The following R3HDM2 variants were observed in gnomAD, a reference collection of about 807,000 sequenced individuals.
R3HDM2 encodes the protein R3H domain containing 2.
R3HDM2 carries 38 observed loss-of-function variants against 124.5 expected under a neutral mutation model. The ratio of observed to expected loss-of-function variants is 0.31; its 90% CI spans 0.24 to 0.40. The LOEUF (loss-of-function observed/expected upper bound fraction) is 0.40, where lower values mean the gene tolerates loss of function less well. Among genes scored for constraint, R3HDM2 ranks in the 10% least tolerant of loss-of-function variants. The pLI is 1.00. For synonymous variants in R3HDM2, 391 were observed against 448.0 expected, an observed-to-expected ratio of 0.87 and a Z score of 1.61; for missense variants, 869 against 1,236.9, an observed-to-expected ratio of 0.70 and a Z score of 4.46.
At chr12:57,349,636 C>A (rs957751312) in intron 2 of R3HDM2, among the ~76,000 whole-genome samples, 1 of 150,860 alleles carries the variant, frequency 6.6e-6, no homozygotes. Context: ...TCTCAGCTCA[C>A]TATAACCTCC....
At chr12:57,320,809 AAGGAAT>A (rs1285610003) in intron 2 of R3HDM2, among the ~76,000 whole-genome samples, 1 of 152,198 alleles carries the variant, frequency 6.6e-6, no homozygotes, top group Non-Finnish European at 1.5e-5. Context: ...ATTGAGCCAA[AAGGAAT>A]ATGTTAGATA....
At chr12:57,258,631 T>C (rs574157248) in intron 20 of R3HDM2, among the ~76,000 whole-genome samples, 1 of 152,112 alleles carries the variant, frequency 6.6e-6, no homozygotes, top group South Asian at 2.1e-4. Context: ...CCACCATGCC[T>C]GGCCCATTTA....
intron 12 of R3HDM2, 125 bp from the exon 13 acceptor site, chr12:57,284,181 G>T: frequency 1.1e-6 from 1 of 896,942 alleles, no homozygotes; most frequent in Non-Finnish European, 1.7e-6. Context: ...GATGGACACT[G>T]ACTTATTGTT....
rs143563930 is a variant in R3HDM2, at chr12:57,411,784, T to C, written c.-105-15966A>G. ...TGCTCCAACAGAAACATTCAATACATTGAACACCCCGATATGGTTAGGCTT... is the reference window on the plus strand; with the variant it reads ...TGCTCCAACAGAAACATTCAATACACTGAACACCCCGATATGGTTAGGCTT... On this transcript the variant is annotated intron_variant, in intron 1 of 23. Coordinates refer to ENST00000402412, the MANE Select transcript of R3HDM2 (RefSeq NM_001394031.1). 2.2e-3 allele frequency among the ~76,000 whole-genome samples: 328 copies of C among 152,344 alleles called. 9 individuals carry two copies. The East Asian group carries it at 0.05, about 23-fold the overall frequency.
chr12:57,308,818 AATT>A (rs2053315221), intron 3 of R3HDM2, among the ~76,000 whole-genome samples: 2 of 152,254 alleles, frequency 1.3e-5, no homozygotes, highest in African/African-American at 2.4e-5. Context: ...AAGGTCATTT[AATT>A]ATTATCTTTC....
chr12:57,358,996 C>A (rs1048276673), intron 2 of R3HDM2, among the ~76,000 whole-genome samples: 23 of 151,728 alleles, frequency 1.5e-4, no homozygotes, highest in Non-Finnish European at 2.9e-5. Flanking sequence ...CGGCTCACTG[C>A]AACCTCCACC....
intron 18 of R3HDM2, 105 bp downstream of exon 18, chr12:57,268,198 A>G (rs1261576454): frequency 7.7e-7 from 1 of 1,292,812 alleles, no homozygotes; most frequent in Non-Finnish European, 1.1e-6. Context: ...AACTACTGGG[A>G]TCTTTACCCC....
intron 2 of R3HDM2, among the ~76,000 whole-genome samples, chr12:57,384,167 G>A (rs1302936740): frequency 6.6e-6 from 1 of 151,906 alleles, no homozygotes; most frequent in Non-Finnish European, 1.5e-5. Context: ...CAAGACCACG[G>A]TGAAACCGTC....
intron 2 of R3HDM2, among the ~76,000 whole-genome samples, chr12:57,336,665 G>A (rs183659227): frequency 2.6e-5 from 4 of 152,128 alleles, no homozygotes; most frequent in African/African-American, 9.7e-5. Flanking sequence ...GTCTACATGA[G>A]CGGGGAGGGT....
rs144564687 is a variant in R3HDM2 at position 57,378,746 on chromosome 12, T to C, written c.-36+17003A>G. 3.5e-3 allele frequency among the ~76,000 whole-genome samples: 532 copies of C among 152,258 alleles called. 2 individuals carry two copies. Among genetic ancestry groups the C allele is most frequent in the African/African-American group, 0.012 (491 of 41,548 alleles). On this transcript the variant is annotated intron_variant, in intron 2 of 23. Coordinates refer to ENST00000402412, the MANE Select transcript of R3HDM2 (RefSeq NM_001394031.1). ...ACTTCTGGGTATATATTCAAAAGAA[T>C]TGAAAATAGGGTCTCAAACAGATAT...
intron 2 of R3HDM2, among the ~76,000 whole-genome samples, chr12:57,390,747 C>T (rs2066544275): frequency 6.6e-6 from 1 of 151,934 alleles, no homozygotes; most frequent in Admixed American, 6.6e-5. Context: ...TGAGGTGGCT[C>T]ACGCCTGCAA....
chr12:57,313,581 T>C (rs903501786), intron 2 of R3HDM2, among the ~76,000 whole-genome samples: 3 of 146,772 alleles, frequency 2.0e-5, no homozygotes, highest in African/African-American at 7.6e-5. Flanking sequence ...AAAAAAATAA[T>C]AATAATAAAT....
At chr12:57,258,749 G>T in intron 20 of R3HDM2, 141 bp downstream of exon 20, 1 of 731,870 alleles carries the variant, frequency 1.4e-6, no homozygotes, top group Non-Finnish European at 2.0e-6. Context: ...AAAAGAGGAT[G>T]CTGTCTACTT....
chr12:57,383,495 G>A (rs988260401), intron 2 of R3HDM2, among the ~76,000 whole-genome samples: 20 of 151,958 alleles, frequency 1.3e-4, no homozygotes, highest in African/African-American at 4.8e-4. Flanking sequence ...CTGAGGTCAG[G>A]AGTTCAAGAC....
chr12:57,269,297 C>T, intron 16 of R3HDM2, 26 bp downstream of exon 16: 1 of 1,611,500 alleles, frequency 6.2e-7, no homozygotes, highest in South Asian at 1.1e-5. Flanking sequence ...TATTCACTGC[C>T]TTCTTAAACC....
At chr12:57,286,882 G>C (rs1442973389) in intron 12 of R3HDM2, among the ~76,000 whole-genome samples, 1 of 151,502 alleles carries the variant, frequency 6.6e-6, no homozygotes, top group African/African-American at 2.4e-5. Context: ...CCATCTCAGG[G>C]AAATAAAAAA....
chr12:57,386,730 C>T (rs1406478968), intron 2 of R3HDM2, among the ~76,000 whole-genome samples: 2 of 152,214 alleles, frequency 1.3e-5, no homozygotes, highest in Non-Finnish European at 2.9e-5. Context: ...CAGCTGGGCT[C>T]CTAAGTCTGG....
intron 2 of R3HDM2, among the ~76,000 whole-genome samples, chr12:57,316,505 G>A (rs1234404659): frequency 6.6e-6 from 1 of 151,500 alleles, no homozygotes; most frequent in African/African-American, 2.4e-5. Context: ...CTTGGATGCA[G>A]ATGATACCTA....
chr12:57,258,492 C>T (rs987026499), intron 20 of R3HDM2, among the ~76,000 whole-genome samples: 1 of 151,836 alleles, frequency 6.6e-6, no homozygotes, highest in Non-Finnish European at 1.5e-5. Flanking sequence ...TTACAGGTGC[C>T]CACCATCACG....
Sources: allele counts gnomAD v4.1 joint callset (sites outside exome capture counted in the v4.1 genomes callset), GRCh38; gene constraint gnomAD v4.1.1; transcripts MANE v1.5; gene names NCBI Gene and HGNC (gene_info 2026-07-23, HGNC 2026-07-21).